PLXNC1: variants seen among roughly 807,000 people sequenced by gnomAD.
The protein encoded by PLXNC1 is plexin-C1.
A neutral mutation model predicts 178.2 loss-of-function variants in PLXNC1; 75 were observed. The observed-to-expected ratio is 0.42, with a 90% confidence interval of 0.35 to 0.51. The LOEUF is 0.51. Among genes scored for constraint, PLXNC1 ranks in the 20% least tolerant of loss-of-function variants. The pLI, the probability that PLXNC1 is intolerant of heterozygous loss-of-function variation, is 0.02. For synonymous variants in PLXNC1, 790 were observed against 779.9 expected (o/e 1.01, Z -0.22); for missense variants, 1,503 against 1,984.4 (o/e 0.76, Z 4.61).
chr12:94,173,695 A>G (rs1489556911), intron 2 of PLXNC1, among the ~76,000 whole-genome samples: 1 of 152,234 alleles, frequency 6.6e-6, no homozygotes, highest in Non-Finnish European at 1.5e-5. Flanking sequence ...TAACTCTTAC[A>G]GAGCTTAGTA....
intron 6 of PLXNC1, among the ~76,000 whole-genome samples, chr12:94,224,026 C>G (rs1963869882): frequency 6.6e-6 from 1 of 152,190 alleles, no homozygotes; most frequent in Non-Finnish European, 1.5e-5. Flanking sequence ...TGTTTGGAGG[C>G]TTGAGCTGTG....
chr12:94,232,234 C>G (rs1472682343), intron 9 of PLXNC1, among the ~76,000 whole-genome samples: 2 of 152,014 alleles, frequency 1.3e-5, no homozygotes, highest in Non-Finnish European at 2.9e-5. Context: ...TTACAGGCAC[C>G]CGCCACCATG....
chr12:94,192,646 A>T (rs1962769366), intron 4 of PLXNC1, among the ~76,000 whole-genome samples: 1 of 152,088 alleles, frequency 6.6e-6, no homozygotes, highest in Non-Finnish European at 1.5e-5. Flanking sequence ...GCTCTTCTTA[A>T]GGCACATAGA....
intron 9 of PLXNC1, among the ~76,000 whole-genome samples, chr12:94,230,235 A>T (rs577772437): frequency 6.6e-6 from 1 of 152,232 alleles, no homozygotes; most frequent in African/African-American, 2.4e-5. Context: ...TTAACTCAAC[A>T]TAATTCTCTG....
rs1283325681 is a variant in PLXNC1, at chr12:94,216,096, T to C, written c.1555-3920T>C. Among the ~76,000 whole-genome samples the C allele has an allele frequency of 2.0e-5, 3 of 152,012 alleles. No individual in the cohort carries two copies. In the East Asian group the frequency reaches 5.8e-4, roughly 29 times the overall value. ...GCCTGGCCAACCTGGTGAAACACTG[T>C]CTCTACTACAAATACAAAAAAATTA... On this transcript the variant is annotated intron_variant, in intron 5 of 30. Coordinates refer to ENST00000258526, the MANE Select transcript of PLXNC1 (RefSeq NM_005761.3).
chr12:94,203,515 T>G (rs185426018), intron 4 of PLXNC1, among the ~76,000 whole-genome samples: 2 of 152,362 alleles, frequency 1.3e-5, no homozygotes, highest in Admixed American at 1.3e-4. Context: ...TATATGTTCA[T>G]GTCTTGGAAG....
At chr12:94,271,381 C>A (rs986150361) in intron 21 of PLXNC1, among the ~76,000 whole-genome samples, 1 of 152,320 alleles carries the variant, frequency 6.6e-6, no homozygotes, top group Non-Finnish European at 1.5e-5. Context: ...AGACCTGTTC[C>A]CCTGCCCTTG....
At chr12:94,159,944 A>T (rs1961316559) in intron 1 of PLXNC1, among the ~76,000 whole-genome samples, 1 of 152,180 alleles carries the variant, frequency 6.6e-6, no homozygotes, top group Admixed American at 6.5e-5. Context: ...AGCAATGAGG[A>T]TGGAGAGGAG....
intron 9 of PLXNC1, among the ~76,000 whole-genome samples, chr12:94,227,786 A>G (rs757165024): frequency 2.0e-5 from 3 of 152,208 alleles, no homozygotes; most frequent in Non-Finnish European, 4.4e-5. Context: ...TATTTTCTTC[A>G]TAGTAAATTA....
chr12:94,245,698 AG>A (rs1256547166), intron 12 of PLXNC1, among the ~76,000 whole-genome samples: 3 of 152,152 alleles, frequency 2.0e-5, no homozygotes, highest in Non-Finnish European at 4.4e-5. Context: ...GGGTGGAAGC[AG>A]GGAGGTGAGT....
intron 4 of PLXNC1, among the ~76,000 whole-genome samples, chr12:94,201,350 A>C (rs1397004358): frequency 6.6e-6 from 1 of 152,252 alleles, no homozygotes; most frequent in Admixed American, 6.5e-5. Context: ...CTCATTGCCC[A>C]AATCCCTTTC....
At position 94,148,815 on chromosome 12, in the gene PLXNC1, C is replaced by A; in HGVS notation, c.-157C>A. ...AGCGAGCCTGCCGCGCGCCGCCCTC[C>A]CCGCTCTCCTTCCTGGGCGAGCTGC... On this transcript the variant is annotated 5_prime_UTR_variant, in exon 1 of 31. Coordinates refer to ENST00000258526, the MANE Select transcript of PLXNC1 (RefSeq NM_005761.3). This position sits in a 1 kb window ranked among gnomAD's most constrained non-coding sequence, Gnocchi z 4.8. 1 of 153,156 alleles carries A rather than the reference C, an allele frequency of 6.5e-6. No homozygotes were observed. Among genetic ancestry groups the A allele is most frequent in the South Asian group, 1.8e-4 (1 of 5,454 alleles). The allele number at this position is 153,156 out of a possible 1,614,324, so 9.5% of individuals were successfully genotyped here.
At chr12:94,290,022 C>G (rs1451147933) in intron 23 of PLXNC1, among the ~76,000 whole-genome samples, 2 of 152,220 alleles carry the variant, frequency 1.3e-5, no homozygotes, top group African/African-American at 4.8e-5. Flanking sequence ...GAACTTTTGG[C>G]AGCGTTCCTT....
chr12:94,252,807 A>C (rs1330502118), intron 15 of PLXNC1, among the ~76,000 whole-genome samples: 2 of 152,170 alleles, frequency 1.3e-5, no homozygotes, highest in African/African-American at 2.4e-5. Context: ...TAACTCATCT[A>C]TGTACCTGAT....
intron 23 of PLXNC1, among the ~76,000 whole-genome samples, chr12:94,289,341 T>G (rs1329435650): frequency 6.6e-6 from 1 of 152,138 alleles, no homozygotes; most frequent in Non-Finnish European, 1.5e-5. Flanking sequence ...TTCCCCTCCA[T>G]TGATGATTGG....
intron 4 of PLXNC1, among the ~76,000 whole-genome samples, chr12:94,199,810 T>C (rs1248145936): frequency 3.3e-5 from 5 of 152,156 alleles, no homozygotes; most frequent in Admixed American, 6.5e-5. Context: ...TTGGTTTTTT[T>C]AGATGGAGTC....
At position 94,169,030 on chromosome 12, in the gene PLXNC1, A is replaced by G. The variant is rs540681845; in HGVS notation, c.1063-123A>G. On this transcript the variant is annotated intron_variant, in intron 1 of 30. Transcript: ENST00000258526. ...CCCGGGGAATCTAGTCTAAGAGAATATATGTGGGGCCCAGAAGTGAGATCC... is the reference window on the plus strand; with the variant it reads ...CCCGGGGAATCTAGTCTAAGAGAATGTATGTGGGGCCCAGAAGTGAGATCC... 526 of 845,534 alleles carry G rather than the reference A, an allele frequency of 6.2e-4. 2 individuals are homozygous for G. Among genetic ancestry groups the G allele is most frequent in the Non-Finnish European group, 5.6e-4 (308 of 549,796 alleles). The allele number at this position is 845,534 out of a possible 1,614,324, so 52.4% of individuals were successfully genotyped here.
chr12:94,283,151 G>A (rs1335582586), intron 23 of PLXNC1, among the ~76,000 whole-genome samples: 2 of 117,360 alleles, frequency 1.7e-5, no homozygotes, highest in Non-Finnish European at 3.6e-5. Context: ...TGGGGAAGGA[G>A]TGCAAAAAAG....
intron 3 of PLXNC1, among the ~76,000 whole-genome samples, chr12:94,183,251 T>C (rs1244870574): frequency 6.6e-6 from 1 of 152,244 alleles, no homozygotes; most frequent in South Asian, 2.1e-4. Context: ...CTGGTATTCT[T>C]ATAAAGACGA....
Sources: gnomAD v4.1 joint callset for allele counts (sites outside exome capture counted in the v4.1 genomes callset) on GRCh38, gnomAD v4.1.1 for gene constraint, Gnocchi (gnomAD v3.1) non-coding constraint, MANE v1.5 for transcripts, NCBI Gene and HGNC (gene_info 2026-07-23, HGNC 2026-07-21) for gene names.